The following DOP1B variants were observed in gnomAD, a reference collection of about 807,000 sequenced individuals.
DOP1B encodes protein DOP1B.
DOP1B carries 174 observed loss-of-function variants against 233.5 expected under a neutral mutation model. The observed-to-expected ratio is 0.75, with a 90% CI of 0.66 to 0.85. DOP1B has a LOEUF of 0.85. Ranked by LOEUF, DOP1B falls within the 40% of genes least tolerant of loss-of-function variation. The probability of loss-of-function intolerance (pLI) is 0.00; values close to 1 mark genes in which losing one functional copy is unlikely to be tolerated. For missense variants in DOP1B, 2,652 were observed against 2,846.6 expected, an observed-to-expected ratio of 0.93 and a Z score of 1.56; for synonymous variants, 1,190 against 1,185.6, an observed-to-expected ratio of 1.00 and a Z score of -0.08.
chr21:36,191,722 G>GT (rs1351804244), intron 2 of DOP1B, among the ~76,000 whole-genome samples: 2 of 151,002 alleles, frequency 1.3e-5, no homozygotes, highest in African/African-American at 4.9e-5. Context: ...GAAGGCGGAG[G>GT]TTGCAGTGAG....
At position 36,280,240 on chromosome 21, in the gene DOP1B, T is replaced by C. The variant is rs1330430885; in HGVS notation, c.5970-45T>C. 4 of 1,335,414 alleles carry C rather than the reference T, an allele frequency of 3.0e-6. No homozygotes were observed. In the East Asian group the frequency reaches 9.2e-5, roughly 31 times the overall value. The allele number at this position is 1,335,414 out of a possible 1,614,324, so 82.7% of individuals were successfully genotyped here. On this transcript the variant is annotated intron_variant, in intron 30 of 36. Coordinates refer to ENST00000691173, the MANE Select transcript of DOP1B (RefSeq NM_001320714.2). The stretch of plus-strand genomic sequence containing the variant: ...TTTCTTAATGTTTTGAATCAAACTA[T>C]CATCCACTGCAAATTTAATTGATTT...
rs147046450 is a variant in DOP1B at position 36,157,883 on chromosome 21, T to C, written c.-27+940T>C. On this transcript the variant is annotated intron_variant, in intron 1 of 36. Coordinates refer to ENST00000691173, the MANE Select transcript of DOP1B (RefSeq NM_001320714.2). ...TCGAACTGAGAAATGTTCCTTCATA[T>C]AGACATATTTACAGTGAACTTTTTT... Among the ~76,000 whole-genome samples the C allele has an allele frequency of 1.2e-3, 189 of 152,328 alleles. 1 individual carries two copies. The highest frequency in any genetic ancestry group is 3.4e-3 in the Middle Eastern group (1 of 294).
chr21:36,270,010 C>T lies in DOP1B; in HGVS notation c.5488-3C>T. ...CTTTCCCCCTCCTCCTGATAATTCTCAGGAAATCACTCAGAAAATCCTAGA... is the reference window on the plus strand; with the variant it reads ...CTTTCCCCCTCCTCCTGATAATTCTTAGGAAATCACTCAGAAAATCCTAGA... On this transcript the variant is annotated splice_polypyrimidine_tract_variant and splice_region_variant and intron_variant, in intron 26 of 36. Coordinates refer to ENST00000691173, the MANE Select transcript of DOP1B (RefSeq NM_001320714.2). 1.2e-6 allele frequency: 2 copies of T among 1,613,852 alleles called. No individual in the cohort carries two copies. The highest frequency in any genetic ancestry group is 8.5e-7 in the Non-Finnish European group (1 of 1,179,886).
At chr21:36,192,356 C>CAAAAAA (rs573970546) in intron 2 of DOP1B, among the ~76,000 whole-genome samples, 1 of 125,228 alleles carries the variant, frequency 8.0e-6, no homozygotes, top group Admixed American at 8.1e-5. Context: ...AAGACACTGT[C>CAAAAAA]AAAAAAAAAA....
intron 2 of DOP1B, among the ~76,000 whole-genome samples, chr21:36,190,019 A>G (rs1266915952): frequency 2.0e-5 from 3 of 150,062 alleles, no homozygotes; most frequent in Admixed American, 6.6e-5. Flanking sequence ...CAAAAAAAAA[A>G]AAAAAAAATG....
intron 19 of DOP1B, among the ~76,000 whole-genome samples, chr21:36,247,085 GC>G (rs1173352571): frequency 2.5e-4 from 38 of 152,180 alleles, no homozygotes; most frequent in Non-Finnish European, 5.3e-4. Flanking sequence ...TCACCGTGTT[GC>G]CCATGCTGGT....
At chr21:36,275,713 G>A (rs940820217) in intron 27 of DOP1B, among the ~76,000 whole-genome samples, 3 of 152,154 alleles carry the variant, frequency 2.0e-5, no homozygotes, top group African/African-American at 7.2e-5. Context: ...GAGATTCATG[G>A]TCATGACATA....
At chr21:36,241,415 C>A (rs1357632176) in intron 18 of DOP1B, among the ~76,000 whole-genome samples, 2 of 151,956 alleles carry the variant, frequency 1.3e-5, no homozygotes, top group South Asian at 2.1e-4. Context: ...CAGACACCCC[C>A]CTCTCCAGAT....
Position 36,227,816 on chromosome 21 carries a change from T to C in DOP1B, c.1604T>C (p.Val535Ala). 6.2e-7 allele frequency: 1 copy of C among 1,613,206 alleles called. No homozygotes were observed. The highest frequency in any genetic ancestry group is 8.5e-7 in the Non-Finnish European group (1 of 1,179,324). ...LTHALKTCFK[V>A]LSKVQMPPSY... ...CATGCCTTGAAGACGTGTTTCAAGG[T>C]GCTCAGCAAAGTCCAGATGCCTCCT... The change falls in exon 13 of 37, where the codon GTG becomes GCG. Residue 535 changes from valine (V) to alanine (A), a missense_variant. Physicochemically the swap from Val to Ala is moderately conservative, Grantham distance 64 (BLOSUM62 0). Transcript: ENST00000691173.
At chr21:36,195,337 G>T (rs1414919546) in intron 2 of DOP1B, among the ~76,000 whole-genome samples, 2 of 110,682 alleles carry the variant, frequency 1.8e-5, no homozygotes, top group African/African-American at 7.4e-5. Flanking sequence ...CAAGACTCTG[G>T]CTCAAAAAAA....
At chr21:36,257,860 G>T (rs576544884) in intron 23 of DOP1B, among the ~76,000 whole-genome samples, 3 of 150,678 alleles carry the variant, frequency 2.0e-5, no homozygotes, top group African/African-American at 2.5e-5. Context: ...GGTAGGTAGA[G>T]AGATAGATGT....
intron 15 of DOP1B, 31 bp from the exon 16 acceptor site, chr21:36,237,231 T>A: frequency 1.9e-6 from 3 of 1,613,880 alleles, no homozygotes; most frequent in Non-Finnish European, 2.5e-6. Flanking sequence ...GTTGACCTGG[T>A]CCCCCACCGC....
chr21:36,289,660 T>C (rs755850572), intron 35 of DOP1B, among the ~76,000 whole-genome samples: 2 of 152,184 alleles, frequency 1.3e-5, no homozygotes, highest in Non-Finnish European at 2.9e-5. Flanking sequence ...CTCATTTGTT[T>C]AATTTCATGA....
At chr21:36,158,680 G>A (rs900318997) in intron 1 of DOP1B, among the ~76,000 whole-genome samples, 2 of 151,894 alleles carry the variant, frequency 1.3e-5, no homozygotes, top group African/African-American at 4.8e-5. Flanking sequence ...GCATGCGCCT[G>A]TAGTCCCAGC....
chr21:36,261,914 A>G (rs980411477), intron 24 of DOP1B: 15 of 975,680 alleles, frequency 1.5e-5, no homozygotes, highest in Non-Finnish European at 1.8e-5. Flanking sequence ...CTATCTCAAA[A>G]AGGAAAAAAA....
intron 23 of DOP1B, among the ~76,000 whole-genome samples, chr21:36,259,715 G>A (rs1601459039): frequency 6.6e-6 from 1 of 152,198 alleles, no homozygotes; most frequent in East Asian, 1.9e-4. Context: ...GACAGCCAGA[G>A]CGAGTGTGTT....
chr21:36,266,960 C>G (rs1280220757), intron 26 of DOP1B, among the ~76,000 whole-genome samples: 2 of 152,234 alleles, frequency 1.3e-5, no homozygotes, highest in East Asian at 3.8e-4. Context: ...TCACACCCTG[C>G]CCTGCCTAAG....
rs749250443 is a variant in DOP1B at position 36,246,457 on chromosome 21, C to G, written c.4477C>G (p.Leu1493Val). The G allele has an allele frequency of 3.5e-5, 56 of 1,613,820 alleles. No individual in the cohort carries two copies. Among genetic ancestry groups the G allele is most frequent in the Non-Finnish European group, 4.6e-5 (54 of 1,179,964 alleles). Reference sequence around the variant, plus strand: ...CCTGCAGTACGTGCAGCCCCACCCCCTCACCTCCCAGGGTCTTCTGGTCTC... The same window carrying G: ...CCTGCAGTACGTGCAGCCCCACCCCGTCACCTCCCAGGGTCTTCTGGTCTC... ...SALQYVQPHP[L>V]TSQGLLVSAV... is the part of the protein sequence containing the mutation. Residue 1493 changes from leucine (L) to valine (V), a missense_variant, in exon 19 of 37, where the codon CTC becomes GTC. Leu to Val is a conservative substitution (Grantham distance 32, BLOSUM62 1). Transcript: ENST00000691173. This position sits in a 1 kb window ranked among gnomAD's most constrained non-coding sequence, Gnocchi z 5.1.
At chr21:36,172,691 T>C (rs1196510671) in intron 2 of DOP1B, among the ~76,000 whole-genome samples, 1 of 152,064 alleles carries the variant, frequency 6.6e-6, no homozygotes, top group Non-Finnish European at 1.5e-5. Context: ...AGCCTCAGCC[T>C]GGAGCTCTTG....
Sources: allele counts gnomAD v4.1 joint callset (sites outside exome capture counted in the v4.1 genomes callset), GRCh38; gene constraint gnomAD v4.1.1; non-coding constraint Gnocchi (gnomAD v3.1); transcripts MANE v1.5; gene names NCBI Gene and HGNC (gene_info 2026-07-23, HGNC 2026-07-21).